Variants in SULT1B1 observed in about 807,000 individuals in gnomAD.
SULT1B1 encodes the protein sulfotransferase family 1B member 1.
SULT1B1 carries 28 observed loss-of-function variants against 34.6 expected under a neutral mutation model. The ratio of observed to expected loss-of-function variants is 0.81; its 90% CI spans 0.60 to 1.11. The LOEUF (loss-of-function observed/expected upper bound fraction) is 1.11. Ranked by LOEUF, SULT1B1 falls within the 50% of genes least tolerant of loss-of-function variation. SULT1B1 has a pLI of 0.00. For synonymous variants in SULT1B1, 147 were observed against 110.2 expected (o/e 1.33, Z -2.09); for missense variants, 374 against 352.2 (o/e 1.06, Z -0.50).
At position 69,723,566 on chromosome 4, in the gene SULT1B1, CA is replaced by C. The variant is rs1362664627; in HGVS notation, c.*3521del. 1 of 151,938 alleles carries C rather than the reference CA, an allele frequency of 6.6e-6. No homozygotes were observed. The highest frequency in any genetic ancestry group is 1.5e-5 in the Non-Finnish European group (1 of 68,004). 9.4% of individuals were successfully genotyped at this position (151,938 alleles called of 1,614,324 possible). A position where few individuals can be genotyped will look rare whatever the true frequency, so the allele number is the denominator to read the frequency against. On this transcript the variant is annotated 3_prime_UTR_variant, in exon 8 of 8. Coordinates refer to ENST00000310613, the MANE Select transcript of SULT1B1 (RefSeq NM_014465.4). ...CTGATACCAAAGCCTGGCAGAGACACAACAAAAAAAGAGAATTTTAGACCAA... is the reference window on the plus strand; with the variant it reads ...CTGATACCAAAGCCTGGCAGAGACACACAAAAAAAGAGAATTTTAGACCAA...
intron 4 of SULT1B1, among the ~76,000 whole-genome samples, chr4:69,738,908 G>T (rs1718427113): frequency 6.6e-6 from 1 of 151,946 alleles, no homozygotes; most frequent in African/African-American, 2.4e-5. Context: ...AAACAAAAGG[G>T]GCTAGAGGCT....
At position 69,751,633 on chromosome 4, in the gene SULT1B1, T is replaced by C. The variant is rs369061667; in HGVS notation, c.278-1815A>G. Among the ~76,000 whole-genome samples, 41 of 152,240 alleles carry C rather than the reference T, an allele frequency of 2.7e-4. 2 individuals are homozygous for C. The South Asian group carries it at 7.9e-3, about 29-fold the overall frequency. On this transcript the variant is annotated intron_variant, in intron 3 of 7. Transcript: ENST00000310613. ...CGCCCGGCTAATTTTTTGTATATTT[T>C]AGTAGAGACGGGGTTTCACCGTGTT...
At chr4:69,737,553 T>C (rs1437073610) in intron 4 of SULT1B1, among the ~76,000 whole-genome samples, 2 of 152,138 alleles carry the variant, frequency 1.3e-5, no homozygotes, top group African/African-American at 2.4e-5. Context: ...CTTGGGACCA[T>C]TATGTTGAAA....
chr4:69,721,781 A>G lies in SULT1B1; in HGVS notation c.*5307T>C, dbSNP rs1379631181. 6.6e-6 allele frequency: 1 copy of G among 152,134 alleles called. No homozygotes were observed. The highest frequency in any genetic ancestry group is 1.5e-5 in the Non-Finnish European group (1 of 67,982). The allele number at this position is 152,134 out of a possible 1,614,324, so 9.4% of individuals were successfully genotyped here. ...GCAATGCTTTGGCTTTTTAGAAAAT[A>G]GCCCTTTAGTTTATTAAGGAAAATT... On this transcript the variant is annotated 3_prime_UTR_variant, in exon 8 of 8. Transcript: ENST00000310613.
rs1717662167 is a variant in SULT1B1, at chr4:69,721,195, T to C, written c.*5893A>G. On this transcript the variant is annotated 3_prime_UTR_variant, in exon 8 of 8. Transcript: ENST00000310613. ...AATAAATTATATTTTATTGAATTCA[T>C]TAAGTGGCAGTTAAAAAAGGATTAC... 1 of 152,106 alleles carries C rather than the reference T, an allele frequency of 6.6e-6. No individual in the cohort carries two copies. Among genetic ancestry groups the C allele is most frequent in the Admixed American group, 6.6e-5 (1 of 15,252 alleles). 9.4% of individuals were successfully genotyped at this position (152,106 alleles called of 1,614,324 possible). A position where few individuals can be genotyped will look rare whatever the true frequency, so the allele number is the denominator to read the frequency against.
intron 2 of SULT1B1, 105 bp downstream of exon 2, chr4:69,754,965 A>G (rs1013069081): frequency 2.4e-5 from 31 of 1,272,314 alleles, no homozygotes; most frequent in Non-Finnish European, 3.0e-5. Context: ...GCTGCACAAA[A>G]TGAATATTAA....
Position 69,730,686 on chromosome 4 carries a change from T to G in SULT1B1, c.598-5A>C. The G allele has an allele frequency of 9.3e-6, 15 of 1,609,848 alleles. No individual in the cohort carries two copies. Among genetic ancestry groups the G allele is most frequent in the Non-Finnish European group, 1.3e-5 (15 of 1,178,606 alleles). On this transcript the variant is annotated splice_region_variant and splice_polypyrimidine_tract_variant and intron_variant, in intron 6 of 7. Transcript: ENST00000310613. ...CTTGATTTCCTCCTTTGGATTCTATTAGTGGGTAAAACCCAAGACAATAAA... is the reference window on the plus strand; with the variant it reads ...CTTGATTTCCTCCTTTGGATTCTATGAGTGGGTAAAACCCAAGACAATAAA...
chr4:69,722,554 C>T lies in SULT1B1; in HGVS notation c.*4534G>A, dbSNP rs2110012989. 1 of 152,186 alleles carries T rather than the reference C, an allele frequency of 6.6e-6. No homozygotes were observed. Among genetic ancestry groups the T allele is most frequent in the African/African-American group, 2.4e-5 (1 of 41,544 alleles). The allele number at this position is 152,186 out of a possible 1,614,324, so 9.4% of individuals were successfully genotyped here. ...AGATTAACTCCTATAAAATATGTTT[C>T]TGTGGAACATAAACACAAATTATAT... On this transcript the variant is annotated 3_prime_UTR_variant, in exon 8 of 8. Transcript: ENST00000310613.
intron 4 of SULT1B1, among the ~76,000 whole-genome samples, chr4:69,746,715 G>T (rs1718761367): frequency 6.6e-6 from 1 of 152,072 alleles, no homozygotes; most frequent in Non-Finnish European, 1.5e-5. Context: ...TTTCAATCTG[G>T]CTAACAACCA....
At chr4:69,743,353 G>T (rs929966357) in intron 4 of SULT1B1, among the ~76,000 whole-genome samples, 2 of 152,150 alleles carry the variant, frequency 1.3e-5, no homozygotes, top group African/African-American at 4.8e-5. Flanking sequence ...TGGTCCTCCC[G>T]TCATCTCTTC....
intron 5 of SULT1B1, among the ~76,000 whole-genome samples, chr4:69,733,915 A>C (rs1220245701): frequency 6.6e-6 from 1 of 152,172 alleles, no homozygotes; most frequent in Non-Finnish European, 1.5e-5. Flanking sequence ...GCAACTGAGA[A>C]CAGATTATAG....
intron 1 of SULT1B1, 79 bp downstream of exon 1, chr4:69,760,380 A>AATTTCTGTTTT: frequency 4.7e-6 from 1 of 212,282 alleles, no homozygotes; most frequent in Non-Finnish European, 8.1e-6. Context: ...TGTTCAAAAC[A>AATTTCTGTTTT]GAAATTGTTC....
At position 69,730,656 on chromosome 4, in the gene SULT1B1, ATCT is replaced by A. The variant is rs1172439461; in HGVS notation, c.620_622del (p.Lys207del). The A allele has an allele frequency of 8.1e-6, 13 of 1,612,466 alleles. No individual in the cohort carries two copies. The highest frequency in any genetic ancestry group is 2.2e-5 in the East Asian group (1 of 44,752). On this transcript the variant is annotated inframe_deletion, in exon 7 of 8. Transcript: ENST00000310613. ...CAGGTTCTTCTCTAGAAATCTAATG[ATCT>A]TCTTGATTTCCTCCTTTGGATTCTA...
At chr4:69,746,724 C>A (rs1718761645) in intron 4 of SULT1B1, among the ~76,000 whole-genome samples, 1 of 152,174 alleles carries the variant, frequency 6.6e-6, no homozygotes, top group African/African-American at 2.4e-5. Flanking sequence ...GGCTAACAAC[C>A]ATTGCTGGCA....
At chr4:69,734,064 A>G (rs1054134713) in intron 5 of SULT1B1, 74 bp downstream of exon 5, 1 of 1,202,570 alleles carries the variant, frequency 8.3e-7, no homozygotes, top group Non-Finnish European at 1.1e-6. Context: ...GTATTTTGAA[A>G]GTCATAAAAG....
intron 5 of SULT1B1, 128 bp from the exon 6 acceptor site, chr4:69,733,635 C>T: frequency 3.2e-6 from 2 of 628,522 alleles, no homozygotes; most frequent in South Asian, 2.8e-5. Context: ...TGAGGACAAT[C>T]TTAAAAAGTA....
At chr4:69,756,395 T>A (rs1036728845) in intron 1 of SULT1B1, among the ~76,000 whole-genome samples, 1 of 152,154 alleles carries the variant, frequency 6.6e-6, no homozygotes, top group East Asian at 1.9e-4. Context: ...CCCAGACATT[T>A]GGCCAAACAC....
At chr4:69,733,057 G>A (rs1197823799) in intron 6 of SULT1B1, among the ~76,000 whole-genome samples, 1 of 152,086 alleles carries the variant, frequency 6.6e-6, no homozygotes, top group Non-Finnish European at 1.5e-5. Context: ...AATAAGCGTG[G>A]AAGGGGTAAC....
chr4:69,732,487 CCT>C (rs143667994), intron 6 of SULT1B1, among the ~76,000 whole-genome samples: 4,132 of 151,892 alleles, frequency 0.027, 187 homozygotes, highest in African/African-American at 0.095. Context: ...ATCTTGAGCC[CCT>C]GTTTATGTTG....
Sources: allele counts gnomAD v4.1 joint callset (sites outside exome capture counted in the v4.1 genomes callset), GRCh38; gene constraint gnomAD v4.1.1; transcripts MANE v1.5; gene names NCBI Gene and HGNC (gene_info 2026-07-23, HGNC 2026-07-21).